The following ABCC4 variants were observed in gnomAD, a reference collection of about 807,000 sequenced individuals.
ABCC4 encodes the protein ATP-binding cassette sub-family C member 4.
A neutral mutation model predicts 168.5 loss-of-function variants in ABCC4; 102 were observed. The ratio of observed to expected loss-of-function variants is 0.61; its 90% CI spans 0.52 to 0.71. ABCC4 has a LOEUF of 0.71. Among genes scored for constraint, ABCC4 ranks in the 30% least tolerant of loss-of-function variants. The pLI, the probability that ABCC4 is intolerant of heterozygous loss-of-function variation, is 0.00. For missense variants in ABCC4, 1,402 were observed against 1,605.8 expected (o/e 0.87, Z 2.17); for synonymous variants, 617 against 590.7 (o/e 1.04, Z -0.65).
In ABCC4 at chr13:95,161,328, A is replaced by T. The variant is rs371360286; in HGVS notation, c.2316T>A (p.Thr772=). ...NWYLGIYSGL[T]VATVLFGIAR... ...CTATGCCAAAAAGAACGGTAGCTAC[A>T]GTTAAACCTGAAATAAAGAAATATC... The change falls in exon 19 of 31, where the codon ACT becomes ACA. Residue 772 remains threonine (T), a synonymous_variant. Coordinates refer to ENST00000645237, the MANE Select transcript of ABCC4 (RefSeq NM_005845.5). 4 of 1,578,446 alleles carry T rather than the reference A, an allele frequency of 2.5e-6. No homozygotes were observed. The highest frequency in any genetic ancestry group is 3.4e-6 in the Non-Finnish European group (4 of 1,167,692).
At chr13:95,195,856 A>G (rs2038400409) in intron 8 of ABCC4, among the ~76,000 whole-genome samples, 1 of 151,976 alleles carries the variant, frequency 6.6e-6, no homozygotes, top group South Asian at 2.1e-4. Flanking sequence ...CTGGTCTCGA[A>G]CTGCTGGCCT....
At chr13:95,285,522 C>A (rs952332952) in intron 1 of ABCC4, among the ~76,000 whole-genome samples, 11 of 152,166 alleles carry the variant, frequency 7.2e-5, no homozygotes, top group Admixed American at 1.3e-4. Flanking sequence ...TACACTCCAG[C>A]CTGGGCAACA....
rs778052049 is a variant in ABCC4, at chr13:95,194,926, T to C, written c.1173A>G (p.Leu391=). The C allele has an allele frequency of 5.6e-6, 9 of 1,613,682 alleles. No homozygotes were observed. In the South Asian group the frequency reaches 6.6e-5, roughly 12 times the overall value. The change falls in exon 9 of 31, where the codon CTA becomes CTG. Residue 391 remains leucine (L), a synonymous_variant. Transcript: ENST00000645237. ...GGTTGCGCTGTGATATCTCATCAAG[T>C]AGCAAAAAGGTCTAAAGAAAATGGG... ...VSIRRIQTFL[L]LDEISQRNRQ... is the part of the protein sequence containing the mutation.
At chr13:95,111,061 A>C (rs1428944575) in intron 20 of ABCC4, among the ~76,000 whole-genome samples, 2 of 152,038 alleles carry the variant, frequency 1.3e-5, no homozygotes, top group African/African-American at 2.4e-5. Context: ...TATCATCTCT[A>C]TGTTTTTGTT....
chr13:95,253,891 T>C (rs1400857192), intron 1 of ABCC4, among the ~76,000 whole-genome samples: 1 of 152,028 alleles, frequency 6.6e-6, no homozygotes, highest in Non-Finnish European at 1.5e-5. Flanking sequence ...TTGTATAAAG[T>C]GGATTTTTCT....
intron 25 of ABCC4, among the ~76,000 whole-genome samples, 192 bp from the exon 26 acceptor site, chr13:95,063,051 C>A (rs966940925): frequency 2.0e-5 from 3 of 152,112 alleles, no homozygotes; most frequent in African/African-American, 7.2e-5. Flanking sequence ...GGAAGCTGCC[C>A]CAGGCATTGT....
intron 27 of ABCC4, among the ~76,000 whole-genome samples, chr13:95,052,095 C>T (rs1233881429): frequency 2.0e-5 from 3 of 152,170 alleles, no homozygotes; most frequent in Non-Finnish European, 4.4e-5. Flanking sequence ...ATTCTCTTGT[C>T]TCAGCCTCCT....
intron 29 of ABCC4, among the ~76,000 whole-genome samples, chr13:95,035,184 C>G (rs1593980344): frequency 6.6e-6 from 1 of 152,030 alleles, no homozygotes; most frequent in Non-Finnish European, 1.5e-5. Context: ...ATGGGAGAGA[C>G]CTGACAGTAA....
intron 29 of ABCC4, among the ~76,000 whole-genome samples, chr13:95,041,737 T>C (rs185981335): frequency 9.8e-4 from 149 of 151,946 alleles, no homozygotes; most frequent in African/African-American, 3.4e-3. Flanking sequence ...TGAGGAAGAA[T>C]GGTATTTATG....
intron 30 of ABCC4, among the ~76,000 whole-genome samples, chr13:95,026,434 A>G (rs9590162): frequency 0.041 from 6,317 of 152,240 alleles, 406 homozygotes; most frequent in African/African-American, 0.14. Context: ...GACATAAAAC[A>G]TATACATGAT....
At chr13:95,188,277 C>T (rs1463630779) in intron 10 of ABCC4, among the ~76,000 whole-genome samples, 176 bp downstream of exon 10, 1 of 152,182 alleles carries the variant, frequency 6.6e-6, no homozygotes, top group Non-Finnish European at 1.5e-5. Context: ...TATGCATTGT[C>T]CACATTTATT....
At chr13:95,154,954 T>A (rs902881101) in intron 19 of ABCC4, among the ~76,000 whole-genome samples, 2 of 152,244 alleles carry the variant, frequency 1.3e-5, no homozygotes, top group Non-Finnish European at 2.9e-5. Context: ...GACTCTTTTT[T>A]TCTGGCAAGG....
intron 1 of ABCC4, among the ~76,000 whole-genome samples, chr13:95,257,951 C>T (rs978232598): frequency 7.9e-5 from 12 of 152,300 alleles, no homozygotes; most frequent in Admixed American, 4.6e-4. Context: ...CGTAACTCAG[C>T]GCACAGCCAT....
chr13:95,086,051 A>G (rs1407487400), intron 20 of ABCC4, among the ~76,000 whole-genome samples: 1 of 140,942 alleles, frequency 7.1e-6, no homozygotes, highest in Non-Finnish European at 1.5e-5. Flanking sequence ...TATTTTTTAT[A>G]TTTTTGTTTT....
intron 19 of ABCC4, among the ~76,000 whole-genome samples, chr13:95,159,960 G>A (rs2037037108): frequency 6.6e-6 from 1 of 152,158 alleles, no homozygotes; most frequent in African/African-American, 2.4e-5. Context: ...TGACCATGTT[G>A]CTACACCCAG....
chr13:95,262,956 C>G (rs1471177546), intron 1 of ABCC4, among the ~76,000 whole-genome samples: 1 of 152,028 alleles, frequency 6.6e-6, no homozygotes, highest in African/African-American at 2.4e-5. Flanking sequence ...TTCTTATTCC[C>G]GCTCTTAGAG....
chr13:95,244,442 G>A (rs970902788), intron 3 of ABCC4, among the ~76,000 whole-genome samples: 2 of 151,158 alleles, frequency 1.3e-5, no homozygotes, highest in African/African-American at 4.9e-5. Context: ...AAATTAACCA[G>A]GCATGGTGGC....
chr13:95,024,336 G>A (rs2031275087), intron 30 of ABCC4, among the ~76,000 whole-genome samples: 2 of 152,088 alleles, frequency 1.3e-5, no homozygotes, highest in Admixed American at 6.5e-5. Flanking sequence ...AAGCGTTCAC[G>A]TTTGCGGCAA....
chr13:95,084,121 C>G (rs2034185561), intron 20 of ABCC4, among the ~76,000 whole-genome samples: 1 of 152,310 alleles, frequency 6.6e-6, no homozygotes, highest in Middle Eastern at 3.4e-3. Context: ...CTATCCTTTG[C>G]TAACATTTAC....
Sources: allele counts gnomAD v4.1 joint callset (sites outside exome capture counted in the v4.1 genomes callset), GRCh38; gene constraint gnomAD v4.1.1; transcripts MANE v1.5; gene names NCBI Gene and HGNC (gene_info 2026-07-23, HGNC 2026-07-21).